The following CSNK1G2 variants were observed in gnomAD, a reference collection of about 807,000 sequenced individuals.
The protein encoded by CSNK1G2 is casein kinase 1 gamma 2.
CSNK1G2 carries 11 observed loss-of-function variants against 48.0 expected under a neutral mutation model. That is an observed-to-expected ratio of 0.23 (90% CI 0.14 to 0.38). The LOEUF is 0.38. Ranked by LOEUF, CSNK1G2 falls within the 10% of genes least tolerant of loss-of-function variation. CSNK1G2 has a pLI of 1.00. For synonymous variants in CSNK1G2, 337 were observed against 254.1 expected (o/e 1.33, Z -3.10); for missense variants, 446 against 595.5 (o/e 0.75, Z 2.61).
At chr19:1,951,385 AGAGT>A (rs1163025231) in intron 1 of CSNK1G2, among the ~76,000 whole-genome samples, 1 of 143,742 alleles carries the variant, frequency 7.0e-6, no homozygotes, top group Non-Finnish European at 1.5e-5. Flanking sequence ...CCTGGGCGAC[AGAGT>A]GAGACTCCGT....
intron 1 of CSNK1G2, among the ~76,000 whole-genome samples, chr19:1,943,537 T>A (rs2014444186): frequency 6.6e-6 from 1 of 152,070 alleles, no homozygotes; most frequent in African/African-American, 2.4e-5. Context: ...CTGTTGCTCA[T>A]CCCAAGCTTA....
At position 1,979,589 on chromosome 19, in the gene CSNK1G2, C is replaced by T. The variant is rs756723494; in HGVS notation, c.948C>T (p.Phe316=). The T allele has an allele frequency of 3.1e-6, 5 of 1,607,854 alleles. No homozygotes were observed. Among genetic ancestry groups the T allele is most frequent in the East Asian group, 2.2e-5 (1 of 44,872 alleles). Residue 316 remains phenylalanine (F), a synonymous_variant, in exon 9 of 12, where the codon TTC becomes TTT. Coordinates refer to ENST00000255641, the MANE Select transcript of CSNK1G2 (RefSeq NM_001319.7). ...DYLRKLFTDL[F]DRSGFVFDYE... Reference sequence around the variant, plus strand: ...TGCGGAAGCTCTTCACCGACCTCTTCGACCGCAGTGGCTTCGTGTTCGACT... The same window carrying T: ...TGCGGAAGCTCTTCACCGACCTCTTTGACCGCAGTGGCTTCGTGTTCGACT...
intron 1 of CSNK1G2, chr19:1,954,257 C>T (rs1029562129): frequency 3.1e-5 from 9 of 292,662 alleles, no homozygotes; most frequent in Non-Finnish European, 6.3e-5. Context: ...TGGCCCCGCT[C>T]TGCTGTGGCC....
chr19:1,974,487 G>GC (rs969154837), intron 2 of CSNK1G2, among the ~76,000 whole-genome samples: 15 of 151,560 alleles, frequency 9.9e-5, no homozygotes, highest in African/African-American at 2.7e-4. Context: ...CATGACCCTT[G>GC]GGGGGTGCAT....
chr19:1,946,224 C>T (rs191094213), intron 1 of CSNK1G2, among the ~76,000 whole-genome samples: 96 of 152,216 alleles, frequency 6.3e-4, no homozygotes, highest in African/African-American at 2.1e-3. Flanking sequence ...CTGCAAGAGG[C>T]TCGGGGGTCA....
rs990801516 is a variant in CSNK1G2 at position 1,980,461 on chromosome 19, C to G, written c.*258C>G. The G allele has an allele frequency of 1.8e-6, 1 of 544,206 alleles. No homozygotes were observed. Among genetic ancestry groups the G allele is most frequent in the Non-Finnish European group, 3.3e-6 (1 of 305,052 alleles). The allele number at this position is 544,206 out of a possible 1,614,324, so 33.7% of individuals were successfully genotyped here. ...CTCCAAGAGCATTAACTATTTAAAACAAGGAAAAGAGGAAAAAAAAAACAG... is the reference window on the plus strand; with the variant it reads ...CTCCAAGAGCATTAACTATTTAAAAGAAGGAAAAGAGGAAAAAAAAAACAG... On this transcript the variant is annotated 3_prime_UTR_variant, in exon 12 of 12. Coordinates refer to ENST00000255641, the MANE Select transcript of CSNK1G2 (RefSeq NM_001319.7).
intron 1 of CSNK1G2, among the ~76,000 whole-genome samples, chr19:1,942,831 C>T (rs1305977753): frequency 6.6e-6 from 1 of 152,144 alleles, no homozygotes; most frequent in Non-Finnish European, 1.5e-5. Flanking sequence ...GCGGTTGTCA[C>T]TGGTACTTTG....
chr19:1,980,170 G>A lies in CSNK1G2; in HGVS notation c.1215G>A (p.Arg405=), dbSNP rs1293590186. The part of the protein sequence containing the change: ...DETKCCCFFK[R]RKRKSLQRHK The stretch of plus-strand genomic sequence containing the variant: ...TCAGATGCTGCTGTTTCTTCAAGAG[G>A]AGAAAGAGAAAATCGCTGCAGCGAC... Residue 405 remains arginine (R), a synonymous_variant, in exon 12 of 12, where the codon AGG becomes AGA. Transcript: ENST00000255641. The A allele has an allele frequency of 4.3e-6, 7 of 1,612,868 alleles. No individual in the cohort carries two copies. The highest frequency in any genetic ancestry group is 4.5e-5 in the East Asian group (2 of 44,882).
At chr19:1,965,414 C>G (rs958101754) in intron 1 of CSNK1G2, among the ~76,000 whole-genome samples, 10 of 151,966 alleles carry the variant, frequency 6.6e-5, no homozygotes, top group African/African-American at 2.4e-4. Context: ...TGTTTCCATC[C>G]CTGCTAGCAC....
Position 1,978,087 on chromosome 19 carries a change from G to A in CSNK1G2, c.188-218G>A, listed in dbSNP as rs908528991. ...GAGGAGGAGTGGCAGACACTGAGGC[G>A]GTGACCACACGGGCAGGGTGCAGGT... On this transcript the variant is annotated intron_variant, in intron 2 of 11. Coordinates refer to ENST00000255641, the MANE Select transcript of CSNK1G2 (RefSeq NM_001319.7). This position sits in a 1 kb window ranked among gnomAD's most constrained non-coding sequence, Gnocchi z 7.3. Among the ~76,000 whole-genome samples, 1 of 152,114 alleles carries A rather than the reference G, an allele frequency of 6.6e-6. No homozygotes were observed. Among genetic ancestry groups the A allele is most frequent in the Non-Finnish European group, 1.5e-5 (1 of 67,994 alleles).
At position 1,979,807 on chromosome 19, in the gene CSNK1G2, A is replaced by C; in HGVS notation, c.1058A>C (p.Asp353Ala). 1 of 1,607,276 alleles carries C rather than the reference A, an allele frequency of 6.2e-7. No individual in the cohort carries two copies. Among genetic ancestry groups the C allele is most frequent in the Non-Finnish European group, 8.5e-7 (1 of 1,178,142 alleles). ...TDLPSQPQLR[D>A]KTQPHSKNQA... ...CTGCCCTCCCAGCCTCAGCTCCGGG[A>C]CAAAACCCAGCCGCACAGCAAAAAC... The change falls in exon 10 of 12, where the codon GAC (aspartate) becomes GCC (alanine). Residue 353 changes from aspartate (D) to alanine (A), a missense_variant. Asp to Ala is a moderately radical substitution (Grantham distance 126). Around this residue, in one of 2 missense-constraint regions of CSNK1G2, gnomAD observed 188 missense variants for 179.6 expected, o/e 1.05. Coordinates refer to ENST00000255641, the MANE Select transcript of CSNK1G2 (RefSeq NM_001319.7).
chr19:1,954,129 T>G, intron 1 of CSNK1G2: 1 of 446,496 alleles, frequency 2.2e-6, no homozygotes, highest in South Asian at 1.6e-5. Flanking sequence ...ACCTGATGCG[T>G]TAAACCCATT....
intron 1 of CSNK1G2, among the ~76,000 whole-genome samples, chr19:1,954,940 C>T (rs920984671): frequency 1.3e-5 from 2 of 152,112 alleles, no homozygotes; most frequent in Admixed American, 6.5e-5. Flanking sequence ...TGTTGCTTTT[C>T]GCTGTGGCCC....
intron 1 of CSNK1G2, among the ~76,000 whole-genome samples, chr19:1,967,133 A>G (rs1230958231): frequency 6.6e-6 from 1 of 152,186 alleles, no homozygotes; most frequent in African/African-American, 2.4e-5. Flanking sequence ...GGGAAACCAG[A>G]ACATTCGAGC....
At chr19:1,965,563 C>T (rs2015340792) in intron 1 of CSNK1G2, among the ~76,000 whole-genome samples, 1 of 151,864 alleles carries the variant, frequency 6.6e-6, no homozygotes, top group African/African-American at 2.4e-5. Context: ...TGCAGTAGCA[C>T]GATCTTGGCT....
rs77008319 is a variant in CSNK1G2, at chr19:1,950,386, T to G, written c.-266+8968T>G. 8.9e-5 allele frequency among the ~76,000 whole-genome samples: 13 copies of G among 146,692 alleles called. 2 individuals carry two copies. The South Asian group carries it at 1.5e-3, about 17-fold the overall frequency. On this transcript the variant is annotated intron_variant, in intron 1 of 11. Coordinates refer to ENST00000255641, the MANE Select transcript of CSNK1G2 (RefSeq NM_001319.7). The stretch of plus-strand genomic sequence containing the variant: ...GATCTCCAGACCTCGTGATCCGCCC[T>G]CCTCGGCCTCCCAAAGTGCTGGGAT...
intron 2 of CSNK1G2, among the ~76,000 whole-genome samples, 196 bp downstream of exon 2, chr19:1,970,155 G>A (rs2145574096): frequency 6.6e-6 from 1 of 152,374 alleles, no homozygotes; most frequent in East Asian, 1.9e-4. Flanking sequence ...TCTGTGGGGA[G>A]AGTGGGTTTC....
At chr19:1,975,571 G>A (rs933338894) in intron 2 of CSNK1G2, 26 of 985,456 alleles carry the variant, frequency 2.6e-5, no homozygotes, top group Middle Eastern at 5.2e-4. Flanking sequence ...GGAGCCCACC[G>A]CAGGGGCAGC....
chr19:1,945,715 G>A (rs764320464), intron 1 of CSNK1G2, among the ~76,000 whole-genome samples: 20 of 152,080 alleles, frequency 1.3e-4, no homozygotes, highest in Middle Eastern at 3.4e-3. Flanking sequence ...CCAGCTACTC[G>A]AGAGGCTGAG....
Sources: allele counts gnomAD v4.1 joint callset (sites outside exome capture counted in the v4.1 genomes callset), GRCh38; gene constraint gnomAD v4.1.1; regional missense constraint gnomAD v4.1.1; non-coding constraint Gnocchi (gnomAD v3.1); transcripts MANE v1.5; gene names NCBI Gene and HGNC (gene_info 2026-07-23, HGNC 2026-07-21).